The following AGMO variants were observed in gnomAD, a reference collection of about 807,000 sequenced individuals.
AGMO encodes glyceryl-ether monooxygenase.
AGMO carries 75 observed loss-of-function variants against 60.2 expected under a neutral mutation model. The ratio of observed to expected loss-of-function variants is 1.25; its 90% CI spans 1.03 to 1.51. The LOEUF is 1.51. AGMO is among the 40% of genes most tolerant of loss of function. The probability of loss-of-function intolerance (pLI) is 0.00; values close to 1 mark genes in which losing one functional copy is unlikely to be tolerated. For synonymous variants in AGMO, 261 were observed against 177.1 expected (o/e 1.47, Z -3.76); for missense variants, 763 against 525.5 (o/e 1.45, Z -4.42).
Position 15,279,004 on chromosome 7 carries a change from A to G in AGMO, c.1264-77645T>C, listed in dbSNP as rs977983054. Reference sequence around the variant, plus strand: ...GTGGTAGTTGTCTTTGAGTCACATGAAAGTGCTTAATCTTCCCACTCTGAG... The same window carrying G: ...GTGGTAGTTGTCTTTGAGTCACATGGAAGTGCTTAATCTTCCCACTCTGAG... On this transcript the variant is annotated intron_variant, in intron 12 of 12. Transcript: ENST00000342526. Among the ~76,000 whole-genome samples the G allele has an allele frequency of 2.0e-5, 3 of 152,058 alleles. 1 individual carries two copies. Among genetic ancestry groups the G allele is most frequent in the Admixed American group, 1.3e-4 (2 of 15,266 alleles).
chr7:15,456,732 C>G (rs927623284), intron 3 of AGMO, among the ~76,000 whole-genome samples: 17 of 152,120 alleles, frequency 1.1e-4, no homozygotes, highest in African/African-American at 4.1e-4. Context: ...GTTTCTAATT[C>G]TTGAAATTTT....
intron 10 of AGMO, among the ~76,000 whole-genome samples, chr7:15,375,286 A>T (rs1393522113): frequency 1.3e-5 from 2 of 152,004 alleles, no homozygotes; most frequent in Non-Finnish European, 2.9e-5. Context: ...AAACAAGTGG[A>T]TCTACAAACT....
chr7:15,136,749 A>ATGTG, the AGMO span, among the ~76,000 whole-genome samples: 3 of 150,542 alleles, frequency 2.0e-5, no homozygotes, highest in East Asian at 3.9e-4. Flanking sequence ...TGTGATGTGT[A>ATGTG]TGTGTGTGTG....
At chr7:15,538,881 T>C (rs917894135) in intron 3 of AGMO, among the ~76,000 whole-genome samples, 10 of 152,098 alleles carry the variant, frequency 6.6e-5, no homozygotes, top group Non-Finnish European at 1.3e-4. Flanking sequence ...TACACAAAAA[T>C]TGTGATCACT....
intron 10 of AGMO, among the ~76,000 whole-genome samples, chr7:15,373,404 G>A (rs1358073722): frequency 1.3e-5 from 2 of 151,968 alleles, no homozygotes; most frequent in African/African-American, 4.8e-5. Flanking sequence ...TAAATAGATG[G>A]GAAAAAAATA....
At chr7:15,555,728 A>T (rs1234813721) in intron 2 of AGMO, among the ~76,000 whole-genome samples, 1 of 151,974 alleles carries the variant, frequency 6.6e-6, no homozygotes, top group Non-Finnish European at 1.5e-5. Context: ...ATAAACACAC[A>T]AGTCCAGACT....
chr7:15,333,914 T>TA lies in AGMO; in HGVS notation c.1263+31599dup, dbSNP rs1404165090. On this transcript the variant is annotated intron_variant, in intron 12 of 12. Transcript: ENST00000342526. ...AATAATTCTTCCAGTGTTCTCAATA[T>TA]ATCAGCATTTATGGACTTAATATTT... Among the ~76,000 whole-genome samples the TA allele has an allele frequency of 2.0e-5, 3 of 152,080 alleles. No homozygotes were observed. The East Asian group carries it at 5.8e-4, about 29-fold the overall frequency.
At chr7:15,481,852 G>A (rs889595823) in intron 3 of AGMO, among the ~76,000 whole-genome samples, 1 of 138,972 alleles carries the variant, frequency 7.2e-6, no homozygotes, top group Non-Finnish European at 1.5e-5. Flanking sequence ...GGAAATAGCA[G>A]TGTATGTTCT....
At chr7:15,556,263 T>C (rs1388693176) in intron 2 of AGMO, among the ~76,000 whole-genome samples, 1 of 148,412 alleles carries the variant, frequency 6.7e-6, no homozygotes, top group Non-Finnish European at 1.5e-5. Context: ...AACTTTCTTG[T>C]CAGGAATGGA....
chr7:15,348,555 A>C (rs1400796708), intron 12 of AGMO, among the ~76,000 whole-genome samples: 1 of 152,058 alleles, frequency 6.6e-6, no homozygotes, highest in African/African-American at 2.4e-5. Context: ...TTTCTTCTCA[A>C]ATTTGTATTT....
At chr7:15,222,422 TG>T (rs1473756437) in intron 12 of AGMO, among the ~76,000 whole-genome samples, 2 of 152,032 alleles carry the variant, frequency 1.3e-5, no homozygotes, top group Non-Finnish European at 2.9e-5. Flanking sequence ...AGAAAGACAG[TG>T]AGTGGCTAGA....
chr7:15,465,352 C>A (rs919609245), intron 3 of AGMO, among the ~76,000 whole-genome samples: 1 of 149,522 alleles, frequency 6.7e-6, no homozygotes, highest in African/African-American at 2.4e-5. Flanking sequence ...TGTGTATATA[C>A]ACACGCACAC....
chr7:15,255,552 A>G (rs888928451), intron 12 of AGMO, among the ~76,000 whole-genome samples: 2 of 145,658 alleles, frequency 1.4e-5, no homozygotes, highest in African/African-American at 2.6e-5. Flanking sequence ...AAAAAAAAAG[A>G]AAGAAAGAAA....
chr7:15,513,954 A>C (rs993736673), intron 3 of AGMO, among the ~76,000 whole-genome samples: 2 of 152,154 alleles, frequency 1.3e-5, no homozygotes, highest in Non-Finnish European at 2.9e-5. Flanking sequence ...AACACTAAAT[A>C]ATGGAAAACA....
chr7:15,552,779 T>G (rs1050802944), intron 2 of AGMO, among the ~76,000 whole-genome samples: 20 of 150,192 alleles, frequency 1.3e-4, no homozygotes, highest in African/African-American at 4.6e-4. Context: ...TTCAGGGATC[T>G]AGAACTAGAA....
chr7:15,308,725 T>C (rs1398758652), intron 12 of AGMO, among the ~76,000 whole-genome samples: 1 of 152,176 alleles, frequency 6.6e-6, no homozygotes, highest in African/African-American at 2.4e-5. Flanking sequence ...TTACAGCACA[T>C]ATAATGAAAA....
At chr7:15,279,502 A>G (rs564704490) in intron 12 of AGMO, among the ~76,000 whole-genome samples, 1 of 152,080 alleles carries the variant, frequency 6.6e-6, no homozygotes, top group Non-Finnish European at 1.5e-5. Flanking sequence ...AGCTTTTTCA[A>G]AACATGAAAC....
intron 6 of AGMO, among the ~76,000 whole-genome samples, chr7:15,392,500 A>G (rs899891477): frequency 6.6e-6 from 1 of 152,008 alleles, no homozygotes; most frequent in Admixed American, 6.6e-5. Context: ...AAAAACATTA[A>G]AAGTCAAAAA....
chr7:15,389,140 C>T (rs527687135), intron 8 of AGMO, among the ~76,000 whole-genome samples: 23 of 152,280 alleles, frequency 1.5e-4, no homozygotes, highest in African/African-American at 5.5e-4. Context: ...AAGAAATCAC[C>T]CATCAACTGG....
Sources: allele counts gnomAD v4.1 joint callset (sites outside exome capture counted in the v4.1 genomes callset), GRCh38; gene constraint gnomAD v4.1.1; transcripts MANE v1.5; gene names NCBI Gene and HGNC (gene_info 2026-07-23, HGNC 2026-07-21).